FBXL2: variants seen among roughly 807,000 people sequenced by gnomAD.
FBXL2 encodes the protein F-box and leucine rich repeat protein 2, also known as F-box/LRR-repeat protein 2.
Under a neutral mutation model 69.2 loss-of-function variants are expected in FBXL2, and 38 were observed. The observed-to-expected ratio is 0.55, with a 90% CI of 0.42 to 0.72. FBXL2 has a LOEUF of 0.72. Ranked by LOEUF, FBXL2 falls within the 30% of genes least tolerant of loss-of-function variation. FBXL2 has a pLI of 0.00. For synonymous variants in FBXL2, 192 were observed against 201.3 expected (o/e 0.95, Z 0.39); for missense variants, 354 against 520.3 (o/e 0.68, Z 3.11).
chr3:33,277,437 C>T (rs1010816870), upstream of FBXL2: 6 of 1,248,738 alleles, frequency 4.8e-6, no homozygotes, highest in South Asian at 1.1e-4. Context: ...GGGCGCCTGG[C>T]TGGCGTCACC....
chr3:33,283,082 A>G (rs907849388), intron 1 of FBXL2, among the ~76,000 whole-genome samples: 2 of 152,128 alleles, frequency 1.3e-5, no homozygotes, highest in African/African-American at 4.8e-5. Flanking sequence ...TTTCAACACT[A>G]TATTGAATAG....
At chr3:33,403,940 G>C (rs1242271010), downstream of FBXL2, among the ~76,000 whole-genome samples, 1 of 152,058 alleles carries the variant, frequency 6.6e-6, no homozygotes, top group Non-Finnish European at 1.5e-5. Context: ...TCTAACTATA[G>C]CCCTGGGGTT....
chr3:33,322,172 G>A (rs927421650), intron 2 of FBXL2, among the ~76,000 whole-genome samples: 1 of 144,146 alleles, frequency 6.9e-6, no homozygotes, highest in Admixed American at 7.4e-5. Flanking sequence ...CTGCCTCCCG[G>A]GTTCACAGCA....
rs1219257704 is a variant in FBXL2 at position 33,336,971 on chromosome 3, G to A, written c.66-21996G>A. The stretch of plus-strand genomic sequence containing the variant: ...TGTAATCCTAGCACTTTGGGAGGCC[G>A]AGGTGGGCGGATTGCCTGAGCTCAG... On this transcript the variant is annotated intron_variant, in intron 2 of 14. Coordinates refer to ENST00000484457, the MANE Select transcript of FBXL2 (RefSeq NM_012157.5). Among the ~76,000 whole-genome samples the A allele has an allele frequency of 2.6e-5, 4 of 151,960 alleles. No homozygotes were observed. In the East Asian group the frequency reaches 5.8e-4, roughly 22 times the overall value.
At chr3:33,372,841 A>T (rs1460082284) in intron 5 of FBXL2, 3 of 583,628 alleles carry the variant, frequency 5.1e-6, no homozygotes, top group Non-Finnish European at 9.2e-6. Context: ...GTAGTCTAGG[A>T]CTCTGCTTCT....
intron 5 of FBXL2, among the ~76,000 whole-genome samples, chr3:33,368,318 G>T (rs1179436658): frequency 6.6e-6 from 1 of 152,076 alleles, no homozygotes; most frequent in African/African-American, 2.4e-5. Flanking sequence ...CTATAATTTT[G>T]CATTTGTCTA....
chr3:33,277,879 A>T (rs2033486981), intron 1 of FBXL2, among the ~76,000 whole-genome samples: 1 of 152,188 alleles, frequency 6.6e-6, no homozygotes, highest in South Asian at 2.1e-4. Context: ...GTATATGGAT[A>T]TCATATGTAT....
intron 2 of FBXL2, among the ~76,000 whole-genome samples, chr3:33,334,531 C>T (rs1301977391): frequency 6.6e-6 from 1 of 152,092 alleles, no homozygotes; most frequent in Non-Finnish European, 1.5e-5. Context: ...AAAATTAACA[C>T]ATCATCAGCA....
At chr3:33,414,648 A>G in the FBXL2 span, among the ~76,000 whole-genome samples, 1 of 152,202 alleles carries the variant, frequency 6.6e-6, no homozygotes, top group Non-Finnish European at 1.5e-5. Flanking sequence ...AGCTAAAAAA[A>G]GGATGTAATT....
chr3:33,326,301 C>T (rs141793508), intron 2 of FBXL2, among the ~76,000 whole-genome samples: 170 of 152,084 alleles, frequency 1.1e-3, no homozygotes, highest in African/African-American at 3.8e-3. Flanking sequence ...GAGATTGAGA[C>T]CATCCTGGCT....
intron 1 of FBXL2, among the ~76,000 whole-genome samples, chr3:33,287,802 A>G (rs967988928): frequency 1.3e-5 from 2 of 152,348 alleles, no homozygotes; most frequent in South Asian, 4.1e-4. Flanking sequence ...CAAACTAAAG[A>G]TTGTGCCCAG....
At chr3:33,406,585 A>G (rs549402092), downstream of FBXL2, among the ~76,000 whole-genome samples, 17 of 152,368 alleles carry the variant, frequency 1.1e-4, no homozygotes, top group Non-Finnish European at 2.2e-4. Flanking sequence ...TTAGCATGGC[A>G]GAGTAATGTA....
chr3:33,418,860 CAAAAAAAAAA>C, the FBXL2 span, among the ~76,000 whole-genome samples: 10 of 76,768 alleles, frequency 1.3e-4, no homozygotes, highest in South Asian at 4.7e-4. Context: ...ACTCTGTCTC[CAAAAAAAAAA>C]AAAAAAAAAA....
chr3:33,382,922 TTA>T (rs1280945833), intron 13 of FBXL2: 1 of 152,234 alleles, frequency 6.6e-6, no homozygotes, highest in Non-Finnish European at 1.5e-5. Context: ...TTCCCACCTA[TTA>T]TATGTTGACC....
At chr3:33,349,291 T>G (rs936948044) in intron 2 of FBXL2, among the ~76,000 whole-genome samples, 1 of 152,192 alleles carries the variant, frequency 6.6e-6, no homozygotes, top group South Asian at 2.1e-4. Flanking sequence ...ATACCTAGTT[T>G]GTTGAGGGGT....
intron 1 of FBXL2, among the ~76,000 whole-genome samples, chr3:33,291,207 G>T (rs1559494397): frequency 2.6e-5 from 4 of 152,122 alleles, no homozygotes. Context: ...GGAATTACAG[G>T]CGTGAGCTAC....
intron 10 of FBXL2, among the ~76,000 whole-genome samples, 169 bp downstream of exon 10, chr3:33,375,587 C>T (rs1278568240): frequency 3.9e-5 from 6 of 152,114 alleles, no homozygotes; most frequent in African/African-American, 1.4e-4. Context: ...AAATCCAGTT[C>T]ATTGGAGGAT....
intron 12 of FBXL2, among the ~76,000 whole-genome samples, chr3:33,402,227 A>T (rs1040269941): frequency 1.2e-4 from 18 of 152,230 alleles, no homozygotes; most frequent in Admixed American, 1.1e-3. Flanking sequence ...GATGCCCCAA[A>T]TGCAGTCTCT....
At chr3:33,375,002 AGGG>A (rs2042545132) in intron 9 of FBXL2, among the ~76,000 whole-genome samples, 2 of 152,176 alleles carry the variant, frequency 1.3e-5, no homozygotes, top group South Asian at 2.1e-4. Context: ...ATGACTAGTG[AGGG>A]AGAAATGGAA....
Sources: gnomAD v4.1 joint callset for allele counts (sites outside exome capture counted in the v4.1 genomes callset) on GRCh38, gnomAD v4.1.1 for gene constraint, MANE v1.5 for transcripts, NCBI Gene and HGNC (gene_info 2026-07-23, HGNC 2026-07-21) for gene names.